LRRK1: variants seen among roughly 807,000 people sequenced by gnomAD.
LRRK1 encodes leucine rich repeat kinase 1.
In LRRK1, 113 loss-of-function variants were observed where a neutral mutation model predicts 209.1. The observed-to-expected ratio is 0.54, with a 90% CI of 0.46 to 0.63. The LOEUF is 0.63. Among genes scored for constraint, LRRK1 ranks in the 30% least tolerant of loss-of-function variants. The probability of loss-of-function intolerance (pLI) is 0.00; values close to 1 mark genes in which losing one functional copy is unlikely to be tolerated. For synonymous variants in LRRK1, 1,144 were observed against 1,099.7 expected (o/e 1.04, Z -0.80); for missense variants, 2,284 against 2,632.2 (o/e 0.87, Z 2.89).
chr15:100,977,183 C>CAG (rs2031343107), intron 3 of LRRK1, among the ~76,000 whole-genome samples: 1 of 22,698 alleles, frequency 4.4e-5, no homozygotes, highest in African/African-American at 1.6e-4. Flanking sequence ...CAAACTGGCA[C>CAG]AGAGAAAAAA....
At chr15:101,054,338 T>TAG (rs780296503) in intron 26 of LRRK1, among the ~76,000 whole-genome samples, 12 of 152,242 alleles carry the variant, frequency 7.9e-5, no homozygotes, top group Non-Finnish European at 1.5e-4. Flanking sequence ...AGGTGAACTC[T>TAG]AGAGATTTCG....
Position 100,990,045 on chromosome 15 carries a change from GT to G in LRRK1, c.762+650del, listed in dbSNP as rs148318175. 1.0e-2 allele frequency among the ~76,000 whole-genome samples: 1,518 copies of G among 152,272 alleles called. 28 individuals carry two copies. Among genetic ancestry groups the G allele is most frequent in the African/African-American group, 0.035 (1,444 of 41,566 alleles). ...GAATCTTCTGCCCTTGAAGTAAATA[GT>G]TTAACAACCTGGTAGGGATCTTTTC... is the stretch of plus-strand genomic sequence containing the variant. On this transcript the variant is annotated intron_variant, in intron 6 of 33. Coordinates refer to ENST00000388948, the MANE Select transcript of LRRK1 (RefSeq NM_024652.6).
Position 101,051,907 on chromosome 15 carries a change from C to G in LRRK1, c.3636C>G (p.Pro1212=). 6.2e-7 allele frequency: 1 copy of G among 1,614,034 alleles called. No individual in the cohort carries two copies. The highest frequency in any genetic ancestry group is 8.5e-7 in the Non-Finnish European group (1 of 1,180,030). ...FISCPRHPDL[P]VPLQELVPEL... ...CCTGCCCCAGACACCCGGACCTCCC[C>G]GTGCCGCTGCAGGAGCTGGTCCCTG... The change falls in exon 24 of 34, where the codon CCC becomes CCG. Residue 1212 remains proline (P), a synonymous_variant. Transcript: ENST00000388948.
intron 27 of LRRK1, among the ~76,000 whole-genome samples, chr15:101,056,487 G>T (rs2035803883): frequency 6.6e-6 from 1 of 152,132 alleles, no homozygotes; most frequent in Admixed American, 6.6e-5. Flanking sequence ...GAAGTCAGAT[G>T]GATGGGTGGA....
In LRRK1 at chr15:101,063,081, G is replaced by A. The variant is rs189050254; in HGVS notation, c.4914+391G>A. 4.9e-4 allele frequency among the ~76,000 whole-genome samples: 75 copies of A among 152,234 alleles called. No homozygotes were observed. In the East Asian group the frequency reaches 9.1e-3, roughly 18 times the overall value. On this transcript the variant is annotated intron_variant, in intron 31 of 33. Transcript: ENST00000388948. ...ACAGCCACTTGATCACCAGGTCCTGGAGGTCCTGATCTCCCTCCCTCCATC... is the reference window on the plus strand; with the variant it reads ...ACAGCCACTTGATCACCAGGTCCTGAAGGTCCTGATCTCCCTCCCTCCATC...
At chr15:100,975,869 G>C (rs1271821723) in intron 3 of LRRK1, among the ~76,000 whole-genome samples, 2 of 152,148 alleles carry the variant, frequency 1.3e-5, no homozygotes, top group Non-Finnish European at 2.9e-5. Flanking sequence ...AGAAAGCAAA[G>C]TAGAAAGAAG....
intron 20 of LRRK1, chr15:101,043,822 A>G (rs1273078547): frequency 6.6e-6 from 1 of 152,334 alleles, no homozygotes; most frequent in African/African-American, 2.4e-5. Flanking sequence ...TAATACATGT[A>G]AAATATTCAG....
At position 100,919,394 on chromosome 15, in the gene LRRK1, T is replaced by C. The variant is rs1266250779; in HGVS notation, c.-180T>C. 1 of 149,064 alleles carries C rather than the reference T, an allele frequency of 6.7e-6. No homozygotes were observed. Among genetic ancestry groups the C allele is most frequent in the Non-Finnish European group, 1.5e-5 (1 of 66,854 alleles). 9.2% of individuals were successfully genotyped at this position (149,064 alleles called of 1,614,324 possible). ...GACGGCCAGGCCCCGGCCCCGCCAG[T>C]GTGTCCGCCCGGCCCCGCGTCCCGG... is the stretch of plus-strand genomic sequence containing the variant. On this transcript the variant is annotated 5_prime_UTR_variant, in exon 1 of 34. Transcript: ENST00000388948. This position sits in a 1 kb window ranked among gnomAD's most constrained non-coding sequence, Gnocchi z 5.8.
chr15:101,017,704 T>C (rs2033607454), intron 12 of LRRK1, among the ~76,000 whole-genome samples: 1 of 152,100 alleles, frequency 6.6e-6, no homozygotes, highest in African/African-American at 2.4e-5. Context: ...CCCTCACCAA[T>C]GCTGCAGTCC....
At chr15:101,023,331 A>C (rs2033883103) in intron 15 of LRRK1, among the ~76,000 whole-genome samples, 1 of 152,182 alleles carries the variant, frequency 6.6e-6, no homozygotes, top group African/African-American at 2.4e-5. Context: ...TCCATTCAAA[A>C]AAAATTTTTT....
At chr15:101,004,776 G>C (rs370610844) in intron 6 of LRRK1, among the ~76,000 whole-genome samples, 16 of 152,322 alleles carry the variant, frequency 1.1e-4, no homozygotes, top group Admixed American at 3.3e-4. Flanking sequence ...CCCAGCTCAG[G>C]GGATGTGGAG....
chr15:100,929,244 T>G lies in LRRK1; in HGVS notation c.97+4515T>G, dbSNP rs150344077. 1.4e-3 allele frequency among the ~76,000 whole-genome samples: 215 copies of G among 151,544 alleles called. 1 individual carries two copies. The highest frequency in any genetic ancestry group is 4.6e-3 in the South Asian group (22 of 4,780). On this transcript the variant is annotated intron_variant, in intron 2 of 33. Coordinates refer to ENST00000388948, the MANE Select transcript of LRRK1 (RefSeq NM_024652.6). ...CTGGATTGCGGAGGGTGGGTGGAAC[T>G]TGAGCAGACATCACCCAGGCAGTGG...
intron 1 of LRRK1, among the ~76,000 whole-genome samples, chr15:100,923,847 G>A (rs1374673928): frequency 6.6e-6 from 1 of 152,186 alleles, no homozygotes; most frequent in African/African-American, 2.4e-5. Context: ...CTCTCCCCCA[G>A]CCAAGTTGTG....
Position 101,068,958 on chromosome 15 carries a change from C to CAGGGGAGAACTCCA in LRRK1, c.*110_*111insAGGGGAGAACTCCA. ...AAGGACCTAGAAGACAGATGGAGTT[C>CAGGGGAGAACTCCA]TCCCCTGAACTCCTTGCTGCTAAGA... is the stretch of plus-strand genomic sequence containing the variant. On this transcript the variant is annotated 3_prime_UTR_variant, in exon 34 of 34. Transcript: ENST00000388948. 2 of 1,040,460 alleles carry CAGGGGAGAACTCCA rather than the reference C, an allele frequency of 1.9e-6. No homozygotes were observed. Among genetic ancestry groups the CAGGGGAGAACTCCA allele is most frequent in the Non-Finnish European group, 2.7e-6 (2 of 738,420 alleles). 64.5% of individuals were successfully genotyped at this position (1,040,460 alleles called of 1,614,324 possible). A position where few individuals can be genotyped will look rare whatever the true frequency, so the allele number is the denominator to read the frequency against.
chr15:101,001,355 C>T (rs913041583), intron 6 of LRRK1, among the ~76,000 whole-genome samples: 2 of 152,186 alleles, frequency 1.3e-5, no homozygotes, highest in African/African-American at 4.8e-5. Context: ...TGGCGTCATG[C>T]AGATAACCTG....
Position 101,029,067 on chromosome 15 carries a change from G to A in LRRK1, c.2798G>A (p.Arg933Lys). Residue 933 changes from arginine to lysine, a missense_variant, in exon 20 of 34, where the codon AGG (arginine) becomes AAG (lysine). By Grantham distance (26) the Arg-to-Lys change is conservative. Transcript: ENST00000388948. ...ATTTGGCTCTCCGAATGTCTGCAGA[G>A]GATCTTTAATATTAAGGGCTCTCGG... ...DPIWLSECLQ[R>K]IFNIKGSRSV... 6.2e-7 allele frequency: 1 copy of A among 1,614,206 alleles called. No homozygotes were observed. The highest frequency in any genetic ancestry group is 2.2e-5 in the East Asian group (1 of 44,880).
chr15:101,015,229 G>T, intron 11 of LRRK1, 97 bp from the exon 12 acceptor site: 1 of 934,334 alleles, frequency 1.1e-6, no homozygotes, highest in Admixed American at 2.0e-5. Flanking sequence ...CACATGAATT[G>T]CTCCCTATCT....
At chr15:101,055,249 G>C (rs2035730224) in intron 27 of LRRK1, 26 bp downstream of exon 27, 2 of 1,522,156 alleles carry the variant, frequency 1.3e-6, no homozygotes, top group Admixed American at 2.2e-5. Flanking sequence ...CCCTGGCCCA[G>C]CCCCACAGTG....
intron 27 of LRRK1, among the ~76,000 whole-genome samples, chr15:101,056,296 C>T (rs1301223112): frequency 1.3e-5 from 2 of 152,148 alleles, no homozygotes; most frequent in East Asian, 1.9e-4. Context: ...GTACCAAGCA[C>T]ATTAAGCTGA....
Sources: gnomAD v4.1 joint callset for allele counts (sites outside exome capture counted in the v4.1 genomes callset) on GRCh38, gnomAD v4.1.1 for gene constraint, Gnocchi (gnomAD v3.1) non-coding constraint, MANE v1.5 for transcripts, NCBI Gene and HGNC (gene_info 2026-07-23, HGNC 2026-07-21) for gene names.